Variants in MYH1 observed in about 807,000 individuals in gnomAD.
The protein encoded by MYH1 is myosin heavy chain 1.
Under a neutral mutation model 225.6 loss-of-function variants are expected in MYH1, and 214 were observed. The ratio of observed to expected loss-of-function variants is 0.95; its 90% CI spans 0.85 to 1.06. The LOEUF is 1.06. MYH1 is among the 50% of genes least tolerant of loss of function. The pLI, the probability that MYH1 is intolerant of heterozygous loss-of-function variation, is 0.00. For synonymous variants in MYH1, 774 were observed against 842.3 expected, an observed-to-expected ratio of 0.92 and a Z score of 1.40; for missense variants, 2,098 against 2,344.2, an observed-to-expected ratio of 0.89 and a Z score of 2.17.
intron 2 of MYH1, among the ~76,000 whole-genome samples, chr17:10,517,319 A>C (rs1466800526): frequency 6.6e-6 from 1 of 152,204 alleles, no homozygotes; most frequent in East Asian, 1.9e-4. Context: ...ATTGTTAAAA[A>C]ATGTTCTGTT....
At chr17:10,500,896 T>C (rs1365873906) in intron 27 of MYH1, 144 bp from the exon 28 acceptor site, 15 of 1,383,436 alleles carry the variant, frequency 1.1e-5, no homozygotes, top group Non-Finnish European at 1.5e-5. Flanking sequence ...GCAAAGGTCT[T>C]AGATAGTGAA....
At position 10,501,270 on chromosome 17, in the gene MYH1, G is replaced by A. The variant is rs563239651; in HGVS notation, c.3578C>T (p.Ala1193Val). The A allele has an allele frequency of 6.2e-6, 10 of 1,614,178 alleles. No homozygotes were observed. The highest frequency in any genetic ancestry group is 4.0e-5 in the African/African-American group (3 of 75,034). Reference protein sequence around the residue: ...EEATLQHEATAATLRKKHADS... With the variant: ...EEATLQHEATVATLRKKHADS... ...TGCATGCTTCTTCCTCAGGGTGGCC[G>A]CCGTGGCTTCATGCTGTAGGGTGGC... Residue 1193 changes from alanine (A) to valine (V), a missense_variant, in exon 27 of 40, where the codon GCG becomes GTG. Transcript: ENST00000226207.
chr17:10,492,714 A>T (rs201580759), intron 39 of MYH1, 146 bp from the exon 40 acceptor site: 8 of 855,652 alleles, frequency 9.3e-6, no homozygotes, highest in Admixed American at 7.3e-5. Context: ...TTGAATTTTT[A>T]TTTTTTTTTA....
intron 16 of MYH1, 81 bp downstream of exon 16, chr17:10,508,282 A>G (rs2073135571): frequency 6.8e-7 from 1 of 1,475,992 alleles, no homozygotes. Flanking sequence ...GCCTCCCAAA[A>G]TGCTGGGATT....
At chr17:10,514,976 T>C in intron 5 of MYH1, 81 bp from the exon 6 acceptor site, 1 of 1,251,796 alleles carries the variant, frequency 8.0e-7, no homozygotes, top group African/African-American at 1.5e-5. Flanking sequence ...GGCATTTGAG[T>C]ATAAGTGTCA....
chr17:10,511,341 T>C (rs1438272199), intron 14 of MYH1, among the ~76,000 whole-genome samples: 2 of 152,240 alleles, frequency 1.3e-5, no homozygotes, highest in East Asian at 3.9e-4. Context: ...TTAAACACAT[T>C]TCATTTCTCG....
In MYH1 at chr17:10,512,928, C is replaced by G. The variant is rs2073187721; in HGVS notation, c.843G>C (p.Lys281Asn). The change falls in exon 10 of 40, where the codon AAG (lysine) becomes AAC (asparagine). Residue 281 changes from lysine to asparagine, a missense_variant. By Grantham distance (94) the Lys-to-Asn change is moderately conservative (BLOSUM62 0). Transcript: ENST00000226207. ...AAAAAATATGATAGCTTCTTTCAGC[C>G]TTTAGCTGGAAAGTAACTCTAGACT... ...LEKSRVTFQLKAERSYHIFYQ... is the reference protein window; with the variant it reads ...LEKSRVTFQLNAERSYHIFYQ... 2 of 1,613,768 alleles carry G rather than the reference C, an allele frequency of 1.2e-6. No individual in the cohort carries two copies. The highest frequency in any genetic ancestry group is 1.7e-6 in the Non-Finnish European group (2 of 1,179,774).
Position 10,495,323 on chromosome 17 carries a change from T to G in MYH1, c.5170-6A>C. On this transcript the variant is annotated splice_region_variant and splice_polypyrimidine_tract_variant and intron_variant, in intron 35 of 39. Coordinates refer to ENST00000226207, the MANE Select transcript of MYH1 (RefSeq NM_005963.4). Reference sequence around the variant, plus strand: ...GTGTTGATCAGGCTGGTGTTCTGTTTAAAATGTGAAATTTAGAAATATTAG... The same window carrying G: ...GTGTTGATCAGGCTGGTGTTCTGTTGAAAATGTGAAATTTAGAAATATTAG... 1 of 1,614,020 alleles carries G rather than the reference T, an allele frequency of 6.2e-7. No homozygotes were observed. Among genetic ancestry groups the G allele is most frequent in the Non-Finnish European group, 8.5e-7 (1 of 1,179,998 alleles).
At position 10,509,617 on chromosome 17, in the gene MYH1, A is replaced by G. The variant is rs139784755; in HGVS notation, c.1455T>C (p.Asn485=). 602 of 1,614,056 alleles carry G rather than the reference A, an allele frequency of 3.7e-4. 2 individuals are homozygous for G. Among genetic ancestry groups the G allele is most frequent in the Non-Finnish European group, 4.7e-4 (560 of 1,180,038 alleles). Residue 485 remains asparagine (N), a synonymous_variant, in exon 15 of 40, where the codon AAT becomes AAC. Coordinates refer to ENST00000226207, the MANE Select transcript of MYH1 (RefSeq NM_005963.4). ...GGTTGAAAAACTGTTGCAGTTTCTC[A>G]TTGGTGAAGTTGATGCACAGCTGCT... ...SLEQLCINFT[N]EKLQQFFNHH...
Position 10,516,625 on chromosome 17 carries a change from C to T in MYH1, c.18G>A (p.Glu6=). ...GAGCAGCCTCCCCAAAAATGGCCAT[C>T]TCAGAGTCGGAACTCATGGCTGCAG... is the stretch of plus-strand genomic sequence containing the variant. MSSDS[E]MAIFGEAAPF... The change falls in exon 3 of 40, where the codon GAG becomes GAA. Residue 6 remains glutamate, a synonymous_variant. Coordinates refer to ENST00000226207, the MANE Select transcript of MYH1 (RefSeq NM_005963.4). 2 of 1,614,206 alleles carry T rather than the reference C, an allele frequency of 1.2e-6. 1 individual carries two copies. Among genetic ancestry groups the T allele is most frequent in the South Asian group, 2.2e-5 (2 of 91,082 alleles).
At chr17:10,506,157 T>C in intron 17 of MYH1, 58 bp from the exon 18 acceptor site, 1 of 1,592,968 alleles carries the variant, frequency 6.3e-7, no homozygotes. Flanking sequence ...CATTCATATT[T>C]ATAGACATAA....
At chr17:10,512,231 C>G (rs572082964) in intron 12 of MYH1, 39 bp from the exon 13 acceptor site, 2 of 1,599,132 alleles carry the variant, frequency 1.3e-6, no homozygotes, top group South Asian at 2.2e-5. Flanking sequence ...ATGACTTACT[C>G]TGGGACCCAC....
rs776391656 is a variant in MYH1, at chr17:10,498,636, C to G, written c.4171G>C (p.Glu1391Gln). The change falls in exon 30 of 40, where the codon GAG (glutamate) becomes CAG (glutamine). Residue 1391 changes from glutamate to glutamine, a missense_variant. By Grantham distance (29) the Glu-to-Gln change is conservative. Transcript: ENST00000226207. ...AAGTCTGGAACATACTTGGCCTCCTCCAGCTCCTCTGTGCGCTGGATGGCA... is the reference window on the plus strand; with the variant it reads ...AAGTCTGGAACATACTTGGCCTCCTGCAGCTCCTCTGTGCGCTGGATGGCA... ...TDAIQRTEEL[E>Q]EAKKKLAQRL... The G allele has an allele frequency of 1.2e-6, 2 of 1,614,028 alleles. No homozygotes were observed. The highest frequency in any genetic ancestry group is 1.1e-5 in the South Asian group (1 of 91,074).
chr17:10,498,893 G>A, intron 29 of MYH1, 71 bp from the exon 30 acceptor site: 1 of 1,605,462 alleles, frequency 6.2e-7, no homozygotes. Flanking sequence ...TCTCCTATAG[G>A]CCACCAGAAG....
intron 35 of MYH1, 57 bp from the exon 36 acceptor site, chr17:10,495,374 C>T (rs2072978752): frequency 6.3e-7 from 1 of 1,586,846 alleles, no homozygotes; most frequent in East Asian, 2.2e-5. Flanking sequence ...ATTAGGAAAC[C>T]TCATGTTCTA....
Position 10,497,194 on chromosome 17 carries a change from C to A in MYH1, c.4532-1G>T. On this transcript the variant is annotated splice_acceptor_variant, in intron 32 of 39. Transcript: ENST00000226207. LOFTEE classifies it high-confidence loss of function. ...TGTTCAGTGAGATCAGAAATCTCCT[C>A]TGTTGGTGAACAAAAAATATAGAAA... is the stretch of plus-strand genomic sequence containing the variant. 6.2e-7 allele frequency: 1 copy of A among 1,606,344 alleles called. No individual in the cohort carries two copies. The highest frequency in any genetic ancestry group is 8.5e-7 in the Non-Finnish European group (1 of 1,178,226).
Position 10,505,291 on chromosome 17 carries a change from G to A in MYH1, c.2307C>T (p.Phe769=), listed in dbSNP as rs2073099453. 6.2e-7 allele frequency: 1 copy of A among 1,614,140 alleles called. No homozygotes were observed. Residue 769 remains phenylalanine, a synonymous_variant, in exon 21 of 40, where the codon TTC becomes TTT. Coordinates refer to ENST00000226207, the MANE Select transcript of MYH1 (RefSeq NM_005963.4). ...CTAGGAGCCCCAGAAGACCAGCTTT[G>A]AAAAAGACCTATGTGTGGGAAGAAT... ...QYKFGHTKVF[F]KAGLLGLLEE...
At chr17:10,501,970 T>A in intron 24 of MYH1, 59 bp from the exon 25 acceptor site, 1 of 1,510,292 alleles carries the variant, frequency 6.6e-7, no homozygotes, top group Middle Eastern at 1.8e-4. Context: ...TTGTCCCAGA[T>A]GAAATTTTTA....
rs2072995862 is a variant in MYH1 at position 10,496,472 on chromosome 17, C to G, written c.4734G>C (p.Arg1578Ser). Residue 1578 changes from arginine (R) to serine (S), a missense_variant, in exon 34 of 40, where the codon AGG (arginine) becomes AGC (serine). Physicochemically the swap from Arg to Ser is moderately radical, Grantham distance 110. Coordinates refer to ENST00000226207, the MANE Select transcript of MYH1 (RefSeq NM_005963.4). ...TTTCCTCATCTTTTTCAGCAATTTT[C>G]CTATCAACCTCAGACTTGACTTGGT... ...ELNQVKSEVD[R>S]KIAEKDEEID... is the part of the protein sequence containing the mutation. 1.2e-6 allele frequency: 2 copies of G among 1,614,020 alleles called. No individual in the cohort carries two copies. The highest frequency in any genetic ancestry group is 1.7e-6 in the Non-Finnish European group (2 of 1,179,992).
Sources: gnomAD v4.1 joint callset for allele counts (sites outside exome capture counted in the v4.1 genomes callset) on GRCh38, gnomAD v4.1.1 for gene constraint, MANE v1.5 for transcripts, NCBI Gene and HGNC (gene_info 2026-07-23, HGNC 2026-07-21) for gene names.